The following LARP4 variants were observed in gnomAD, a reference collection of about 807,000 sequenced individuals.
The protein encoded by LARP4 is la-related protein 4.
A neutral mutation model predicts 92.9 loss-of-function variants in LARP4; 29 were observed. That is an observed-to-expected ratio of 0.31 (90% confidence interval 0.23 to 0.43). The LOEUF is 0.43. Ranked by LOEUF, LARP4 falls within the 20% of genes least tolerant of loss-of-function variation. The pLI is 1.00. For missense variants in LARP4, 732 were observed against 860.0 expected (o/e 0.85, Z 1.86); for synonymous variants, 279 against 284.1 (o/e 0.98, Z 0.18).
Position 50,474,070 on chromosome 12 carries a change from T to A in LARP4, c.1739T>A (p.Ile580Lys). 1 of 1,612,208 alleles carries A rather than the reference T, an allele frequency of 6.2e-7. No individual in the cohort carries two copies. Residue 580 changes from isoleucine to lysine, a missense_variant, in exon 15 of 16, where the codon ATA becomes AAA. Coordinates refer to ENST00000398473, the MANE Select transcript of LARP4 (RefSeq NM_052879.5). ...VQKDGLNQTT[I>K]PVSPPSTTKP... is the part of the protein sequence containing the mutation. ...AAGGATGGTCTCAATCAGACAACTA[T>A]ACCAGTTTCTCCTCCAAGTACTACA...
chr12:50,430,646 T>C, intron 4 of LARP4, 76 bp downstream of exon 4: 1 of 827,718 alleles, frequency 1.2e-6, no homozygotes, highest in South Asian at 1.8e-5. Context: ...AGGATGGTGA[T>C]TATTATTTAA....
Position 50,449,923 on chromosome 12 carries a change from A to ATTTT in LARP4, c.805-3511_805-3508dup, listed in dbSNP as rs60763691. ...GACCTTTTGTTATACAGCCATAGCAATTTTTTTTTTTTTTTTTTTTTTTTT... is the reference window on the plus strand; with the variant it reads ...GACCTTTTGTTATACAGCCATAGCAATTTTTTTTTTTTTTTTTTTTTTTTTTTTT... On this transcript the variant is annotated intron_variant, in intron 8 of 15. Transcript: ENST00000398473. Among the ~76,000 whole-genome samples, 302 of 47,056 alleles carry ATTTT rather than the reference A, an allele frequency of 6.4e-3. 43 individuals are homozygous for ATTTT. The highest frequency in any genetic ancestry group is 0.021 in the African/African-American group (244 of 11,786). 30.9% of individuals were successfully genotyped at this position (47,056 alleles called of 152,430 possible). A position where few individuals can be genotyped will look rare whatever the true frequency, so the allele number is the denominator to read the frequency against.
At chr12:50,470,788 CAT>C (rs530631475) in intron 13 of LARP4, among the ~76,000 whole-genome samples, 233 of 152,290 alleles carry the variant, frequency 1.5e-3, no homozygotes, top group Non-Finnish European at 1.3e-3. Context: ...TTAGCAGTGA[CAT>C]GTGTATCTCC....
At chr12:50,468,748 A>G (rs1050213983) in intron 13 of LARP4, among the ~76,000 whole-genome samples, 24 of 152,186 alleles carry the variant, frequency 1.6e-4, no homozygotes, top group African/African-American at 5.8e-4. Flanking sequence ...ATTATATATG[A>G]TATCATCAAT....
chr12:50,405,586 ATTT>A (rs1031815000), intron 1 of LARP4, among the ~76,000 whole-genome samples: 9 of 151,858 alleles, frequency 5.9e-5, no homozygotes, highest in Admixed American at 3.9e-4. Context: ...TGCCTGGCTA[ATTT>A]TTTTCTTTTT....
intron 1 of LARP4, chr12:50,415,915 C>T (rs1031389355): frequency 7.2e-5 from 11 of 151,748 alleles, no homozygotes; most frequent in African/African-American, 1.5e-4. Context: ...CCATGTGGCC[C>T]GTGGTAGTCT....
intron 8 of LARP4, among the ~76,000 whole-genome samples, chr12:50,444,975 T>C (rs1951776559): frequency 6.6e-6 from 1 of 152,096 alleles, no homozygotes; most frequent in Non-Finnish European, 1.5e-5. Context: ...AGTGGTACAA[T>C]CTCAATTCAT....
At chr12:50,405,404 C>G (rs998807146) in intron 1 of LARP4, among the ~76,000 whole-genome samples, 17 of 152,000 alleles carry the variant, frequency 1.1e-4, no homozygotes, top group Admixed American at 3.3e-4. Context: ...CCTAAGGAGG[C>G]AGATAGTAAT....
intron 13 of LARP4, among the ~76,000 whole-genome samples, chr12:50,467,953 CT>C (rs1956377784): frequency 6.6e-6 from 1 of 151,782 alleles, no homozygotes. Context: ...TTTCTCCCAA[CT>C]TTTATTCCTG....
chr12:50,414,616 T>G (rs1336926059), intron 1 of LARP4, among the ~76,000 whole-genome samples: 1 of 152,190 alleles, frequency 6.6e-6, no homozygotes, highest in South Asian at 2.1e-4. Context: ...ACCTATATAT[T>G]TATCTGTACA....
At chr12:50,449,122 A>G (rs1227339661) in intron 8 of LARP4, among the ~76,000 whole-genome samples, 4 of 152,088 alleles carry the variant, frequency 2.6e-5, no homozygotes, top group African/African-American at 9.7e-5. Context: ...TTATGCCTGT[A>G]GTCCCAGCTA....
rs1957598984 is a variant in LARP4 at position 50,477,218 on chromosome 12, A to G, written c.*1354A>G. On this transcript the variant is annotated 3_prime_UTR_variant, in exon 16 of 16. Transcript: ENST00000398473. ...AAATTAGTGCATAATTTCTCAGTGAATAAAGTTGTAGCTCTCATATACTAA... is the reference window on the plus strand; with the variant it reads ...AAATTAGTGCATAATTTCTCAGTGAGTAAAGTTGTAGCTCTCATATACTAA... 6.6e-6 allele frequency: 1 copy of G among 152,458 alleles called. No individual in the cohort carries two copies. Among genetic ancestry groups the G allele is most frequent in the African/African-American group, 2.4e-5 (1 of 41,456 alleles). The allele number at this position is 152,458 out of a possible 1,614,324, so 9.4% of individuals were successfully genotyped here.
intron 10 of LARP4, among the ~76,000 whole-genome samples, chr12:50,459,716 C>G (rs140538730): frequency 2.4e-4 from 36 of 149,718 alleles, no homozygotes; most frequent in African/African-American, 8.4e-4. Flanking sequence ...CCCAGCTACT[C>G]GGGAGGCTGA....
chr12:50,459,841 AAAAAAG>A (rs1282739688), intron 10 of LARP4, among the ~76,000 whole-genome samples: 25 of 150,700 alleles, frequency 1.7e-4, no homozygotes, highest in Non-Finnish European at 3.3e-4. Flanking sequence ...AAAAAAAAAA[AAAAAAG>A]GGTGTTATAG....
chr12:50,458,528 T>C lies in LARP4; in HGVS notation c.1122-2607T>C, dbSNP rs371148325. On this transcript the variant is annotated intron_variant, in intron 10 of 15. Coordinates refer to ENST00000398473, the MANE Select transcript of LARP4 (RefSeq NM_052879.5). The stretch of plus-strand genomic sequence containing the variant: ...AATTTACGTTTAATTGGTGGGGTTA[T>C]AATTATTCAAGAGGTTTTAAATCCT... Among the ~76,000 whole-genome samples the C allele has an allele frequency of 3.9e-5, 6 of 152,364 alleles. No individual in the cohort carries two copies. The East Asian group carries it at 1.2e-3, about 29-fold the overall frequency.
At chr12:50,420,639 A>G (rs1345085382) in intron 1 of LARP4, 1 of 152,204 alleles carries the variant, frequency 6.6e-6, no homozygotes, top group Non-Finnish European at 1.5e-5. Flanking sequence ...ATAAACCAGA[A>G]AGTACAGGAA....
At chr12:50,411,290 A>T (rs1945843879) in intron 1 of LARP4, among the ~76,000 whole-genome samples, 1 of 150,112 alleles carries the variant, frequency 6.7e-6, no homozygotes, top group South Asian at 2.1e-4. Flanking sequence ...GGTTCAAGTG[A>T]CTCTCCTCTG....
chr12:50,428,072 T>G (rs774255454), intron 2 of LARP4, among the ~76,000 whole-genome samples, 163 bp downstream of exon 2: 1 of 143,634 alleles, frequency 7.0e-6, no homozygotes, highest in Non-Finnish European at 1.5e-5. Context: ...CTTCACTCAC[T>G]GCAACCTCCA....
At chr12:50,402,873 A>G (rs1944135617) in intron 1 of LARP4, 1 of 440,468 alleles carries the variant, frequency 2.3e-6, no homozygotes, top group African/African-American at 2.0e-5. Flanking sequence ...TATCTCCATT[A>G]ATCATTTTCT....
Sources: gnomAD v4.1 joint callset for allele counts (sites outside exome capture counted in the v4.1 genomes callset) on GRCh38, gnomAD v4.1.1 for gene constraint, MANE v1.5 for transcripts, NCBI Gene and HGNC (gene_info 2026-07-23, HGNC 2026-07-21) for gene names.